Variants in AFG3L2 observed in about 807,000 individuals in gnomAD.
AFG3L2 encodes mitochondrial inner membrane m-AAA protease component AFG3L2.
A neutral mutation model predicts 94.5 loss-of-function variants in AFG3L2; 54 were observed. The observed-to-expected ratio is 0.57, with a 90% CI of 0.46 to 0.72. The LOEUF (loss-of-function observed/expected upper bound fraction) is 0.72, where lower values mean the gene tolerates loss of function less well. Ranked by LOEUF, AFG3L2 falls within the 30% of genes least tolerant of loss-of-function variation. The pLI, the probability that AFG3L2 is intolerant of heterozygous loss-of-function variation, is 0.00. For missense variants in AFG3L2, 754 were observed against 994.9 expected, an observed-to-expected ratio of 0.76 and a Z score of 3.26; for synonymous variants, 377 against 365.5, an observed-to-expected ratio of 1.03 and a Z score of -0.36.
At chr18:12,372,623 A>G (rs1016060166) in intron 1 of AFG3L2, among the ~76,000 whole-genome samples, 1 of 152,270 alleles carries the variant, frequency 6.6e-6, no homozygotes, top group Non-Finnish European at 1.5e-5. Flanking sequence ...ACAGTCAAAA[A>G]GTAGGAACAA....
intron 3 of AFG3L2, 125 bp downstream of exon 3, chr18:12,370,724 G>A: frequency 1.4e-6 from 1 of 693,718 alleles, no homozygotes; most frequent in East Asian, 2.9e-5. Context: ...CTCCCAAAAG[G>A]CTGGGATTAC....
At chr18:12,345,303 C>T (rs905372086) in intron 13 of AFG3L2, among the ~76,000 whole-genome samples, 1 of 152,254 alleles carries the variant, frequency 6.6e-6, no homozygotes, top group East Asian at 1.9e-4. Context: ...CCTGGATCAA[C>T]GTGGGCTCTG....
At chr18:12,337,566 T>C (rs369228057) in intron 15 of AFG3L2, 31 bp from the exon 16 acceptor site, 17 of 1,607,898 alleles carry the variant, frequency 1.1e-5, no homozygotes, top group Non-Finnish European at 1.4e-5. Context: ...GGTGATTACA[T>C]ATGATTGTTC....
intron 9 of AFG3L2, among the ~76,000 whole-genome samples, chr18:12,354,724 G>T (rs571212076): frequency 6.6e-6 from 1 of 151,848 alleles, no homozygotes; most frequent in Admixed American, 6.6e-5. Context: ...GGTATCTCAC[G>T]CCAACTCTTT....
chr18:12,353,302 G>T (rs900599859), intron 9 of AFG3L2, 144 bp from the exon 10 acceptor site: 2 of 968,632 alleles, frequency 2.1e-6, no homozygotes, highest in Non-Finnish European at 3.1e-6. Flanking sequence ...ATCACCTGAG[G>T]TCAGGAGTTC....
chr18:12,370,923 A>T lies in AFG3L2; in HGVS notation c.218T>A (p.Phe73Tyr), dbSNP rs904633988. ...TTTTCCATTAGGAAAGTATTTTTCA[A>T]ATCCTGTTAGAAAAAGAAAAAAAAT... The part of the protein sequence containing the change: ...QRFCSRPPKG[F>Y]EKYFPNGKNG... Residue 73 changes from phenylalanine to tyrosine, a missense_variant, in exon 3 of 17, where the codon TTT becomes TAT. Around this residue, in one of 4 missense-constraint regions of AFG3L2, gnomAD observed 236 missense variants for 214.0 expected, o/e 1.10. Coordinates refer to ENST00000269143, the MANE Select transcript of AFG3L2 (RefSeq NM_006796.3). 1.9e-6 allele frequency: 3 copies of T among 1,541,538 alleles called. No individual in the cohort carries two copies. In the African/African-American group the frequency reaches 4.1e-5, roughly 21 times the overall value.
At chr18:12,365,763 A>T (rs946485672) in intron 5 of AFG3L2, among the ~76,000 whole-genome samples, 1 of 152,116 alleles carries the variant, frequency 6.6e-6, no homozygotes, top group African/African-American at 2.4e-5. Context: ...ATGTCGTCTT[A>T]CTTTATCCAT....
intron 5 of AFG3L2, among the ~76,000 whole-genome samples, chr18:12,366,409 C>A (rs1908809002): frequency 6.6e-6 from 1 of 152,190 alleles, no homozygotes. Flanking sequence ...GCCCAGCAGA[C>A]AGTAACAAAG....
chr18:12,342,713 A>G (rs1235455368), intron 14 of AFG3L2: 2 of 152,192 alleles, frequency 1.3e-5, no homozygotes, highest in South Asian at 2.1e-4. Context: ...CATATGATGC[A>G]AGGGTTAACG....
Position 12,344,128 on chromosome 18 carries a change from T to G in AFG3L2, c.1779+4A>C. On this transcript the variant is annotated splice_donor_region_variant and intron_variant, in intron 14 of 16. Coordinates refer to ENST00000269143, the MANE Select transcript of AFG3L2 (RefSeq NM_006796.3). ...GGCTGCCTAGTGCAGCTACCCTGCT[T>G]CACCTTTAAAAGCGGGTCTGCGTGC... 1 of 1,612,660 alleles carries G rather than the reference T, an allele frequency of 6.2e-7. No individual in the cohort carries two copies. Among genetic ancestry groups the G allele is most frequent in the South Asian group, 1.1e-5 (1 of 91,020 alleles).
intron 15 of AFG3L2, among the ~76,000 whole-genome samples, chr18:12,338,614 C>T (rs1264332967): frequency 2.0e-5 from 3 of 152,134 alleles, no homozygotes; most frequent in Non-Finnish European, 4.4e-5. Context: ...TTCATGAATA[C>T]AGTCAGAAAA....
At chr18:12,344,824 CCTAA>C (rs1253593824) in intron 13 of AFG3L2, among the ~76,000 whole-genome samples, 3 of 152,058 alleles carry the variant, frequency 2.0e-5, no homozygotes, top group African/African-American at 7.2e-5. Flanking sequence ...CTGCTTTCAC[CCTAA>C]CTCTCTCACT....
Position 12,329,254 on chromosome 18 carries a change from G to C in AFG3L2, c.*311C>G, listed in dbSNP as rs79884272. Reference sequence around the variant, plus strand: ...TCCAGTGCAACGATCCCTGCCACACGGTCAGCCGACCCCACTTGGTGCCAC... The same window carrying C: ...TCCAGTGCAACGATCCCTGCCACACCGTCAGCCGACCCCACTTGGTGCCAC... On this transcript the variant is annotated 3_prime_UTR_variant, in exon 17 of 17. Coordinates refer to ENST00000269143, the MANE Select transcript of AFG3L2 (RefSeq NM_006796.3). The C allele has an allele frequency of 8.6e-6, 6 of 701,156 alleles. No individual in the cohort carries two copies. Among genetic ancestry groups the C allele is most frequent in the Non-Finnish European group, 7.8e-6 (3 of 384,582 alleles). 43.4% of individuals were successfully genotyped at this position (701,156 alleles called of 1,614,324 possible). A position where few individuals can be genotyped will look rare whatever the true frequency, so the allele number is the denominator to read the frequency against.
At chr18:12,372,903 T>C (rs1909035582) in intron 1 of AFG3L2, among the ~76,000 whole-genome samples, 1 of 152,196 alleles carries the variant, frequency 6.6e-6, no homozygotes, top group Non-Finnish European at 1.5e-5. Context: ...TGCGAAATGA[T>C]TACTAATGGT....
chr18:12,335,120 T>A (rs1000766985), intron 16 of AFG3L2, among the ~76,000 whole-genome samples: 11 of 152,122 alleles, frequency 7.2e-5, no homozygotes, highest in Non-Finnish European at 8.8e-5. Flanking sequence ...ACAAGGAGAT[T>A]CCTTGTGGGC....
intron 3 of AFG3L2, 98 bp from the exon 4 acceptor site, chr18:12,367,480 A>G: frequency 2.7e-6 from 3 of 1,126,100 alleles, no homozygotes; most frequent in Non-Finnish European, 4.0e-6. Flanking sequence ...CTCATTGCAG[A>G]ATACACTGTG....
At position 12,377,078 on chromosome 18, in the gene AFG3L2, G is replaced by C; in HGVS notation, c.5C>G (p.Ala2Gly). Reference protein sequence around the residue: MAHRCLRLWGRG... With the variant: MGHRCLRLWGRG... ...GCCCCACAGCCGCAAACAGCGGTGC[G>C]CCATGGCCGCCGCCGTGGCCCTCTC... The change falls in exon 1 of 17, where the codon GCG (alanine) becomes GGG (glycine). Residue 2 changes from alanine (A) to glycine (G), a missense_variant. Physicochemically the swap from Ala to Gly is moderately conservative, Grantham distance 60 (BLOSUM62 0). This residue lies in a region of AFG3L2 where 236 missense variants were observed against 214.0 expected (regional missense o/e 1.10). Transcript: ENST00000269143. 7.1e-7 allele frequency: 1 copy of C among 1,418,094 alleles called. No individual in the cohort carries two copies. Among genetic ancestry groups the C allele is most frequent in the Non-Finnish European group, 9.2e-7 (1 of 1,085,728 alleles). 87.8% of individuals were successfully genotyped at this position (1,418,094 alleles called of 1,614,324 possible).
At position 12,371,709 on chromosome 18, in the gene AFG3L2, A is replaced by G. The variant is rs371854611; in HGVS notation, c.115-18T>C. 59 of 1,602,844 alleles carry G rather than the reference A, an allele frequency of 3.7e-5. No homozygotes were observed. The highest frequency in any genetic ancestry group is 4.9e-5 in the Non-Finnish European group (57 of 1,170,578). On this transcript the variant is annotated intron_variant, in intron 1 of 16. Transcript: ENST00000269143. Reference sequence around the variant, plus strand: ...CGGTAAAGCTGCAACAAGACATAAAAATAAAACCATAGTTATATCAAGATA... The same window carrying G: ...CGGTAAAGCTGCAACAAGACATAAAGATAAAACCATAGTTATATCAAGATA...
rs759457741 is a variant in AFG3L2, at chr18:12,367,378, T to A, written c.297A>T (p.Ser99=). Residue 99 remains serine (S), a synonymous_variant, in exon 4 of 17, where the codon TCA becomes TCT. Coordinates refer to ENST00000269143, the MANE Select transcript of AFG3L2 (RefSeq NM_006796.3). ...AAGAGCGTGTGGTAGCAGCTGGCTT[T>A]GATTCTGTTCATAAACAAAGAGCAC... ...PKEVMGEKKE[S]KPAATTRSSG... is the part of the protein sequence containing the mutation. 6.2e-7 allele frequency: 1 copy of A among 1,614,142 alleles called. No individual in the cohort carries two copies. Among genetic ancestry groups the A allele is most frequent in the Non-Finnish European group, 8.5e-7 (1 of 1,180,030 alleles).
Sources: allele counts gnomAD v4.1 joint callset (sites outside exome capture counted in the v4.1 genomes callset), GRCh38; gene constraint gnomAD v4.1.1; regional missense constraint gnomAD v4.1.1; transcripts MANE v1.5; gene names NCBI Gene and HGNC (gene_info 2026-07-23, HGNC 2026-07-21).